KIRREL3: variants seen among roughly 807,000 people sequenced by gnomAD.
KIRREL3 encodes kirre like nephrin family adhesion molecule 3.
A neutral mutation model predicts 89.7 loss-of-function variants in KIRREL3; 36 were observed. That is an observed-to-expected ratio of 0.40 (90% CI 0.31 to 0.53). KIRREL3 has a LOEUF of 0.53. KIRREL3 is among the 20% of genes least tolerant of loss of function. The probability of loss-of-function intolerance (pLI) is 0.49; values close to 1 mark genes in which losing one functional copy is unlikely to be tolerated. For missense variants in KIRREL3, 864 were observed against 1,056.6 expected (o/e 0.82, Z 2.53); for synonymous variants, 445 against 441.4 (o/e 1.01, Z -0.10).
In KIRREL3 at chr11:126,454,902, A is replaced by G. The variant is rs960287956; in HGVS notation, c.848+1447T>C. 1.7e-4 allele frequency among the ~76,000 whole-genome samples: 26 copies of G among 152,230 alleles called. No individual in the cohort carries two copies. The highest frequency in any genetic ancestry group is 6.0e-4 in the African/African-American group (25 of 41,450). On this transcript the variant is annotated intron_variant, in intron 7 of 16. Coordinates refer to ENST00000525144, the MANE Select transcript of KIRREL3 (RefSeq NM_032531.4). The surrounding 1 kb of genome is among the most constrained non-coding windows in gnomAD (Gnocchi z 5.8). ...CCTATTTAAAAATATCCTTGGGGAT[A>G]GGAACTCTGGGCTCTGCCTGGGTTT...
intron 11 of KIRREL3, chr11:126,440,188 T>C (rs1955506542): frequency 1.5e-6 from 1 of 676,198 alleles, no homozygotes; most frequent in African/African-American, 1.8e-5. Context: ...GCCCTTAGGA[T>C]GCGGAATTTG....
chr11:126,613,241 A>G (rs1306559767), intron 1 of KIRREL3, among the ~76,000 whole-genome samples: 3 of 152,220 alleles, frequency 2.0e-5, no homozygotes, highest in African/African-American at 7.2e-5. Flanking sequence ...GAACCATCAG[A>G]AACTGGCTGT....
Position 126,561,078 on chromosome 11 carries a change from A to G in KIRREL3, c.133+1757T>C, listed in dbSNP as rs1159918918. ...TGGAGTTTGGGCGTATGAGCTTTAG[A>G]GAGAGAGAAATGTATAATGTGGTAC... On this transcript the variant is annotated intron_variant, in intron 2 of 16. Transcript: ENST00000525144. The surrounding 1 kb of genome is among the most constrained non-coding windows in gnomAD (Gnocchi z 4.5). 6.6e-6 allele frequency among the ~76,000 whole-genome samples: 1 copy of G among 152,166 alleles called. No homozygotes were observed. Among genetic ancestry groups the G allele is most frequent in the Non-Finnish European group, 1.5e-5 (1 of 68,032 alleles).
chr11:126,613,288 C>A (rs1943208278), intron 1 of KIRREL3, among the ~76,000 whole-genome samples: 1 of 152,150 alleles, frequency 6.6e-6, no homozygotes, highest in South Asian at 2.1e-4. Context: ...TCGCACGCAG[C>A]AGTGTTTTAA....
Position 126,624,816 on chromosome 11 carries a change from T to C in KIRREL3, c.56-61904A>G, listed in dbSNP as rs1477439555. On this transcript the variant is annotated intron_variant, in intron 1 of 16. Transcript: ENST00000525144. The surrounding 1 kb of genome is among the most constrained non-coding windows in gnomAD (Gnocchi z 6.0). ...TGAGGCCAACTACGGAGGGCAGAGC[T>C]GATGGAAGGGCCCGTTGGATACTGA... Among the ~76,000 whole-genome samples the C allele has an allele frequency of 6.6e-6, 1 of 152,154 alleles. No individual in the cohort carries two copies. The highest frequency in any genetic ancestry group is 2.4e-5 in the African/African-American group (1 of 41,440).
At chr11:126,720,859 G>A (rs985301183) in intron 1 of KIRREL3, among the ~76,000 whole-genome samples, 1 of 152,190 alleles carries the variant, frequency 6.6e-6, no homozygotes, top group African/African-American at 2.4e-5. Flanking sequence ...GGGACCTGGA[G>A]GAGAGGAGTG....
Position 126,607,956 on chromosome 11 carries a change from T to A in KIRREL3, c.56-45044A>T, listed in dbSNP as rs574327031. On this transcript the variant is annotated intron_variant, in intron 1 of 16. Transcript: ENST00000525144. The surrounding 1 kb of genome is among the most constrained non-coding windows in gnomAD (Gnocchi z 6.6). Reference sequence around the variant, plus strand: ...GCACTAGGGCAACTGCTCAGCCCCATCGCAGCAAGGGCCCGAGGAACGAGC... The same window carrying A: ...GCACTAGGGCAACTGCTCAGCCCCAACGCAGCAAGGGCCCGAGGAACGAGC... Among the ~76,000 whole-genome samples the A allele has an allele frequency of 6.6e-6, 1 of 152,284 alleles. No homozygotes were observed. Among genetic ancestry groups the A allele is most frequent in the Non-Finnish European group, 1.5e-5 (1 of 68,020 alleles).
rs1489432754 is a variant in KIRREL3 at position 126,978,310 on chromosome 11, C to T, written c.55+22145G>A. On this transcript the variant is annotated intron_variant, in intron 1 of 16. Transcript: ENST00000525144. This position sits in a 1 kb window ranked among gnomAD's most constrained non-coding sequence, Gnocchi z 4.2. Reference sequence around the variant, plus strand: ...CAGATCTGTCCTCCCCTGTGGTGGGCGTGTTCTTCACCTTCCCTTCAAACT... The same window carrying T: ...CAGATCTGTCCTCCCCTGTGGTGGGTGTGTTCTTCACCTTCCCTTCAAACT... Among the ~76,000 whole-genome samples, 1 of 152,156 alleles carries T rather than the reference C, an allele frequency of 6.6e-6. No homozygotes were observed. Among genetic ancestry groups the T allele is most frequent in the Non-Finnish European group, 1.5e-5 (1 of 68,040 alleles).
rs1050323292 is a variant in KIRREL3 at position 126,802,222 on chromosome 11, C to G, written c.55+198233G>C. The stretch of plus-strand genomic sequence containing the variant: ...TTTCTTTGCCTTGGCCCTACCTCAC[C>G]TGGAGAAGTTAACCAAAGAGGAGTA... On this transcript the variant is annotated intron_variant, in intron 1 of 16. Transcript: ENST00000525144. This position sits in a 1 kb window ranked among gnomAD's most constrained non-coding sequence, Gnocchi z 5.2. Among the ~76,000 whole-genome samples the G allele has an allele frequency of 6.6e-6, 1 of 152,126 alleles. No individual in the cohort carries two copies. The highest frequency in any genetic ancestry group is 2.4e-5 in the African/African-American group (1 of 41,504).
Position 126,443,149 on chromosome 11 carries a change from C to T in KIRREL3, c.1252+1830G>A, listed in dbSNP as rs1955651210. Among the ~76,000 whole-genome samples the T allele has an allele frequency of 6.6e-6, 1 of 152,238 alleles. No individual in the cohort carries two copies. The highest frequency in any genetic ancestry group is 2.1e-4 in the South Asian group (1 of 4,838). On this transcript the variant is annotated intron_variant, in intron 10 of 16. Transcript: ENST00000525144. This position sits in a 1 kb window ranked among gnomAD's most constrained non-coding sequence, Gnocchi z 7.3. ...ATCCACCTGCTTTTCCCCAGAAACG[C>T]CAATGCTCATTTGATGCTCCAGGCT... is the stretch of plus-strand genomic sequence containing the variant.
intron 6 of KIRREL3, among the ~76,000 whole-genome samples, chr11:126,458,462 C>G (rs978348197): frequency 3.9e-5 from 4 of 103,404 alleles, no homozygotes; most frequent in East Asian, 3.0e-4. Context: ...CGGCCTTACT[C>G]TGGAGTTCGG....
At chr11:126,836,639 G>A (rs1365961946) in intron 1 of KIRREL3, among the ~76,000 whole-genome samples, 1 of 152,194 alleles carries the variant, frequency 6.6e-6, no homozygotes, top group Admixed American at 6.5e-5. Context: ...CATATGACTT[G>A]TGGAGAGAAG....
Position 126,496,536 on chromosome 11 carries a change from G to A in KIRREL3, c.434-23070C>T, listed in dbSNP as rs919079337. ...TCACAAATGAGAACCCAAGGTGTTG[G>A]CCAAGTTTGGAGGGAGGGGTGGGTG... is the stretch of plus-strand genomic sequence containing the variant. On this transcript the variant is annotated intron_variant, in intron 4 of 16. Transcript: ENST00000525144. This position sits in a 1 kb window ranked among gnomAD's most constrained non-coding sequence, Gnocchi z 4.9. Among the ~76,000 whole-genome samples, 2 of 152,040 alleles carry A rather than the reference G, an allele frequency of 1.3e-5. No homozygotes were observed.
chr11:126,754,863 T>A lies in KIRREL3; in HGVS notation c.56-191951A>T, dbSNP rs753083403. ...CTCTTTCTCCATGGCCAGACATTGATGAAAATTGTACTGAGCAGCTGCCTG... is the reference window on the plus strand; with the variant it reads ...CTCTTTCTCCATGGCCAGACATTGAAGAAAATTGTACTGAGCAGCTGCCTG... On this transcript the variant is annotated intron_variant, in intron 1 of 16. Coordinates refer to ENST00000525144, the MANE Select transcript of KIRREL3 (RefSeq NM_032531.4). This position sits in a 1 kb window ranked among gnomAD's most constrained non-coding sequence, Gnocchi z 5.1. Among the ~76,000 whole-genome samples, 1 of 152,340 alleles carries A rather than the reference T, an allele frequency of 6.6e-6. No homozygotes were observed. The highest frequency in any genetic ancestry group is 1.9e-4 in the East Asian group (1 of 5,180).
At chr11:126,928,607 T>C (rs1010857531) in intron 1 of KIRREL3, among the ~76,000 whole-genome samples, 3 of 152,228 alleles carry the variant, frequency 2.0e-5, no homozygotes, top group Non-Finnish European at 4.4e-5. Flanking sequence ...ACTGGGGCTA[T>C]TTCAGAAGTG....
chr11:126,725,554 G>T (rs61897900), intron 1 of KIRREL3, among the ~76,000 whole-genome samples: 9,655 of 152,244 alleles, frequency 0.063, 417 homozygotes, highest in African/African-American at 0.12. Context: ...CAAGCTGGCT[G>T]TCCCCGTTTT....
chr11:126,446,858 T>C lies in KIRREL3; in HGVS notation c.1026A>G (p.Gln342=), dbSNP rs1955838057. The C allele has an allele frequency of 6.2e-7, 1 of 1,604,366 alleles. No individual in the cohort carries two copies. Among genetic ancestry groups the C allele is most frequent in the Admixed American group, 1.7e-5 (1 of 58,728 alleles). The change falls in exon 9 of 17, where the codon CAA becomes CAG. Residue 342 remains glutamine (Q), a synonymous_variant. Transcript: ENST00000525144. ...CAGAGCCCAGATCCACGAGCAAGGA[T>C]TGGGGTTCTGTGGTCATCCGGGGCC... ...YFGPRMTTEP[Q]SLLVDLGSDA...
Position 126,653,487 on chromosome 11 carries a change from A to T in KIRREL3, c.56-90575T>A, listed in dbSNP as rs1478116027. On this transcript the variant is annotated intron_variant, in intron 1 of 16. Coordinates refer to ENST00000525144, the MANE Select transcript of KIRREL3 (RefSeq NM_032531.4). This position sits in a 1 kb window ranked among gnomAD's most constrained non-coding sequence, Gnocchi z 5.4. ...GGGTTGTCATGAAATTCAAATCAGG[A>T]AATGGATATGAAATGGTTCTGAAAG... Among the ~76,000 whole-genome samples the T allele has an allele frequency of 6.6e-6, 1 of 152,220 alleles. No individual in the cohort carries two copies. Among genetic ancestry groups the T allele is most frequent in the Non-Finnish European group, 1.5e-5 (1 of 68,038 alleles).
intron 1 of KIRREL3, among the ~76,000 whole-genome samples, chr11:126,632,830 G>A (rs1944100301): frequency 1.1e-5 from 1 of 87,144 alleles, no homozygotes; most frequent in Non-Finnish European, 2.5e-5. Context: ...GGTAGCTCAT[G>A]CCTGTAATCC....
Sources: allele counts gnomAD v4.1 joint callset (sites outside exome capture counted in the v4.1 genomes callset), GRCh38; gene constraint gnomAD v4.1.1; non-coding constraint Gnocchi (gnomAD v3.1); transcripts MANE v1.5; gene names NCBI Gene and HGNC (gene_info 2026-07-23, HGNC 2026-07-21).